RPS6KC1: variants seen among roughly 807,000 people sequenced by gnomAD.
RPS6KC1 encodes the protein inactive ribosomal protein S6 kinase delta-1.
Under a neutral mutation model 103.8 loss-of-function variants are expected in RPS6KC1, and 54 were observed. The observed-to-expected ratio is 0.52, with a 90% CI of 0.42 to 0.65. RPS6KC1 has a LOEUF of 0.65. RPS6KC1 is among the 30% of genes least tolerant of loss of function. The pLI, the probability that RPS6KC1 is intolerant of heterozygous loss-of-function variation, is 0.00. For missense variants in RPS6KC1, 1,151 were observed against 1,253.8 expected, an observed-to-expected ratio of 0.92 and a Z score of 1.24; for synonymous variants, 439 against 438.7, an observed-to-expected ratio of 1.00 and a Z score of -0.01.
chr1:213,359,233 G>C, the RPS6KC1 span, among the ~76,000 whole-genome samples: 1 of 152,120 alleles, frequency 6.6e-6, no homozygotes, highest in Non-Finnish European at 1.5e-5. Flanking sequence ...TATGAATCTG[G>C]GTGCTCCTGT....
the RPS6KC1 span, among the ~76,000 whole-genome samples, chr1:213,395,693 T>C: frequency 2.0e-5 from 3 of 152,224 alleles, no homozygotes; most frequent in Non-Finnish European, 2.9e-5. Flanking sequence ...AATGGTTTAA[T>C]ACCTGGCTTA....
intron 6 of RPS6KC1, among the ~76,000 whole-genome samples, chr1:213,165,407 T>TG (rs1316733464): frequency 2.0e-5 from 3 of 150,898 alleles, no homozygotes; most frequent in African/African-American, 7.4e-5. Flanking sequence ...ATTTTGTGTG[T>TG]TTTTTTTGTT....
chr1:213,114,275 C>A (rs902967927), intron 4 of RPS6KC1, among the ~76,000 whole-genome samples: 1 of 148,132 alleles, frequency 6.8e-6, no homozygotes, highest in Non-Finnish European at 1.5e-5. Context: ...AGGTCCTTCA[C>A]ATCCCTTGTA....
chr1:213,244,445 C>A (rs1040957596), intron 12 of RPS6KC1, among the ~76,000 whole-genome samples: 1 of 151,942 alleles, frequency 6.6e-6, no homozygotes, highest in Admixed American at 6.6e-5. Flanking sequence ...TTTCTTATTT[C>A]TTATTTTTGT....
chr1:213,337,134 T>C, the RPS6KC1 span, among the ~76,000 whole-genome samples: 1 of 152,224 alleles, frequency 6.6e-6, no homozygotes, highest in Non-Finnish European at 1.5e-5. Context: ...CCTTTTTGTC[T>C]CTTTAATCAG....
chr1:213,678,935 AC>A, the RPS6KC1 span, among the ~76,000 whole-genome samples: 1 of 152,142 alleles, frequency 6.6e-6, no homozygotes, highest in Non-Finnish European at 1.5e-5. Flanking sequence ...TGTGGGTAAA[AC>A]ACTAGCACAA....
At chr1:213,294,448 T>C in the RPS6KC1 span, among the ~76,000 whole-genome samples, 2 of 152,194 alleles carry the variant, frequency 1.3e-5, no homozygotes, top group African/African-American at 4.8e-5. Flanking sequence ...AGACTCAGGC[T>C]CATTGGCAAT....
chr1:213,171,613 T>C (rs1385844447), intron 7 of RPS6KC1, among the ~76,000 whole-genome samples: 1 of 152,228 alleles, frequency 6.6e-6, no homozygotes, highest in Non-Finnish European at 1.5e-5. Context: ...AATGTGTGCC[T>C]TTCCTGAATA....
the RPS6KC1 span, among the ~76,000 whole-genome samples, chr1:213,702,012 C>T: frequency 6.6e-6 from 1 of 151,596 alleles, no homozygotes; most frequent in Non-Finnish European, 1.5e-5. Context: ...CATTAGGTTG[C>T]TTTTGGAAGT....
chr1:213,803,290 A>C, the RPS6KC1 span, among the ~76,000 whole-genome samples: 663 of 129,846 alleles, frequency 5.1e-3, 6 homozygotes, highest in African/African-American at 0.018. Context: ...CTTGTTGCCC[A>C]GGCTGGAGTA....
At chr1:213,106,611 A>T (rs889386858) in intron 4 of RPS6KC1, among the ~76,000 whole-genome samples, 1 of 152,194 alleles carries the variant, frequency 6.6e-6, no homozygotes, top group African/African-American at 2.4e-5. Flanking sequence ...AGGGTGTGCT[A>T]TAGTATCATA....
chr1:213,576,728 A>G, the RPS6KC1 span, among the ~76,000 whole-genome samples: 6 of 152,238 alleles, frequency 3.9e-5, no homozygotes. Flanking sequence ...TTTGTGTTCA[A>G]GTGAAAGGCA....
chr1:213,173,289 A>G (rs1047143133), intron 7 of RPS6KC1, among the ~76,000 whole-genome samples: 1 of 152,170 alleles, frequency 6.6e-6, no homozygotes, highest in African/African-American at 2.4e-5. Flanking sequence ...ACTTTTATAG[A>G]TGGTTAAAGT....
chr1:213,430,523 T>C, the RPS6KC1 span, among the ~76,000 whole-genome samples: 1 of 152,240 alleles, frequency 6.6e-6, no homozygotes, highest in African/African-American at 2.4e-5. Context: ...GGATTACCTA[T>C]GTGATGACTC....
chr1:213,769,822 G>A, the RPS6KC1 span, among the ~76,000 whole-genome samples: 1 of 152,114 alleles, frequency 6.6e-6, no homozygotes. Context: ...GTTATATATT[G>A]ACAAGATTTA....
the RPS6KC1 span, among the ~76,000 whole-genome samples, chr1:213,453,040 G>A: frequency 4.6e-5 from 7 of 151,910 alleles, 1 homozygote; most frequent in Non-Finnish European, 8.8e-5. Flanking sequence ...ATCTGACAAA[G>A]GTAATCCACG....
the RPS6KC1 span, chr1:213,821,657 C>T: frequency 6.6e-6 from 1 of 152,308 alleles, no homozygotes; most frequent in African/African-American, 2.4e-5. Flanking sequence ...CCTTGATCCC[C>T]TGCAAAGATG....
chr1:213,312,241 C>A, the RPS6KC1 span, among the ~76,000 whole-genome samples: 1 of 140,872 alleles, frequency 7.1e-6, no homozygotes, highest in African/African-American at 2.5e-5. Flanking sequence ...CTTGGGGCAC[C>A]TCCCAGTGCA....
chr1:213,319,312 CAAAAA>C, the RPS6KC1 span, among the ~76,000 whole-genome samples: 1 of 90,566 alleles, frequency 1.1e-5, no homozygotes, highest in African/African-American at 4.4e-5. Flanking sequence ...GACTCTGTCT[CAAAAA>C]AAAAAAAAAA....
Sources: gnomAD v4.1 joint callset for allele counts (sites outside exome capture counted in the v4.1 genomes callset) on GRCh38, gnomAD v4.1.1 for gene constraint, MANE v1.5 for transcripts, NCBI Gene and HGNC (gene_info 2026-07-23, HGNC 2026-07-21) for gene names.